Variants in CGNL1 observed in about 807,000 individuals in gnomAD.
CGNL1 encodes the protein cingulin like 1, also known as cingulin-like protein 1.
Under a neutral mutation model 141.2 loss-of-function variants are expected in CGNL1, and 132 were observed. That is an observed-to-expected ratio of 0.93 (90% CI 0.81 to 1.08). The LOEUF (loss-of-function observed/expected upper bound fraction) is 1.08. Among genes scored for constraint, CGNL1 ranks in the 50% least tolerant of loss-of-function variants. The probability of loss-of-function intolerance (pLI) is 0.00; values close to 1 mark genes in which losing one functional copy is unlikely to be tolerated. For synonymous variants in CGNL1, 690 were observed against 622.1 expected, an observed-to-expected ratio of 1.11 and a Z score of -1.63; for missense variants, 1,870 against 1,588.6, an observed-to-expected ratio of 1.18 and a Z score of -3.01.
At chr15:57,407,722 A>G (rs2062739288) in intron 1 of CGNL1, among the ~76,000 whole-genome samples, 1 of 151,418 alleles carries the variant, frequency 6.6e-6, no homozygotes. Flanking sequence ...TTAATATCTG[A>G]AAGTATTAGA....
chr15:57,514,758 A>C (rs2030631844), intron 8 of CGNL1, among the ~76,000 whole-genome samples: 1 of 152,204 alleles, frequency 6.6e-6, no homozygotes, highest in South Asian at 2.1e-4. Flanking sequence ...CCTATGATCC[A>C]TTTTGAGTTA....
rs149444697 is a variant in CGNL1 at position 57,459,973 on chromosome 15, G to A, written c.2191-1707G>A. Among the ~76,000 whole-genome samples, 342 of 152,286 alleles carry A rather than the reference G, an allele frequency of 2.2e-3. 1 individual carries two copies. The highest frequency in any genetic ancestry group is 8.0e-3 in the African/African-American group (334 of 41,560). On this transcript the variant is annotated intron_variant, in intron 7 of 18. Coordinates refer to ENST00000281282, the MANE Select transcript of CGNL1 (RefSeq NM_032866.5). ...ACTCAGAGAAGGGTAAGAGGTAAAG[G>A]TTTAGGAGTCATTTACATAGAATTA...
chr15:57,546,026 T>G (rs1377840660), intron 17 of CGNL1, 50 bp from the exon 18 acceptor site: 10 of 1,579,880 alleles, frequency 6.3e-6, no homozygotes, highest in Non-Finnish European at 8.6e-6. Flanking sequence ...AGCTGAGCGC[T>G]GGGGCTGGGC....
chr15:57,523,606 C>T lies in CGNL1; in HGVS notation c.2833C>T (p.His945Tyr). 1 of 1,614,090 alleles carries T rather than the reference C, an allele frequency of 6.2e-7. No individual in the cohort carries two copies. The highest frequency in any genetic ancestry group is 8.5e-7 in the Non-Finnish European group (1 of 1,180,018). The change falls in exon 11 of 19, where the codon CAC becomes TAC. Residue 945 changes from histidine to tyrosine, a missense_variant. Transcript: ENST00000281282. ...GAACGAGATGGAGAATGAGCGGTGG[C>T]ACCTGGGCAAAACCATTGAGAAACT... The part of the protein sequence containing the change: ...LKNEMENERW[H>Y]LGKTIEKLQK...
chr15:57,484,020 C>G (rs1187544052), intron 8 of CGNL1, among the ~76,000 whole-genome samples: 3 of 152,036 alleles, frequency 2.0e-5, no homozygotes, highest in Non-Finnish European at 4.4e-5. Context: ...ATTCTTGTGT[C>G]TATATTAATG....
chr15:57,442,245 T>A, intron 3 of CGNL1, 128 bp from the exon 4 acceptor site: 1 of 470,062 alleles, frequency 2.1e-6, no homozygotes, highest in Non-Finnish European at 3.8e-6. Flanking sequence ...TGTCTGAGGC[T>A]TTAATTAATT....
chr15:57,531,297 C>A (rs939041911), intron 13 of CGNL1, among the ~76,000 whole-genome samples: 3 of 152,138 alleles, frequency 2.0e-5, no homozygotes, highest in African/African-American at 7.2e-5. Flanking sequence ...TTGTCCGGAG[C>A]GTCAAGTGTT....
intron 8 of CGNL1, among the ~76,000 whole-genome samples, chr15:57,484,413 G>T (rs573034665): frequency 6.6e-6 from 1 of 152,080 alleles, no homozygotes; most frequent in Non-Finnish European, 1.5e-5. Context: ...TGTCTGCAGG[G>T]TCTGTGGTAA....
chr15:57,415,206 C>G (rs998374258), intron 1 of CGNL1, among the ~76,000 whole-genome samples: 2 of 152,226 alleles, frequency 1.3e-5, no homozygotes, highest in African/African-American at 4.8e-5. Context: ...AACAGTGTCT[C>G]TCCAAAGATG....
At chr15:57,413,854 C>T (rs16977479) in intron 1 of CGNL1, among the ~76,000 whole-genome samples, 2 of 152,094 alleles carry the variant, frequency 1.3e-5, no homozygotes, top group Non-Finnish European at 2.9e-5. Context: ...CCTTTTCATC[C>T]CCCAGTGTCG....
At position 57,545,341 on chromosome 15, in the gene CGNL1, G is replaced by A. The variant is rs187560187; in HGVS notation, c.3501-251G>A. 4.7e-4 allele frequency among the ~76,000 whole-genome samples: 72 copies of A among 152,324 alleles called. 1 individual carries two copies. The South Asian group carries it at 9.1e-3, about 19-fold the overall frequency. On this transcript the variant is annotated intron_variant, in intron 16 of 18. Coordinates refer to ENST00000281282, the MANE Select transcript of CGNL1 (RefSeq NM_032866.5). ...TTACAAAGTAAAGCTCAGAAACTCC[G>A]GGCAGGTCGAGCCATGGCTCAGCCC...
chr15:57,540,732 G>T (rs1340896359), intron 14 of CGNL1, among the ~76,000 whole-genome samples: 1 of 152,112 alleles, frequency 6.6e-6, no homozygotes, highest in Non-Finnish European at 1.5e-5. Context: ...TCTTATGCAG[G>T]GCTCGTTCAT....
chr15:57,415,888 AT>A (rs199700407), intron 1 of CGNL1, among the ~76,000 whole-genome samples: 1 of 151,958 alleles, frequency 6.6e-6, no homozygotes, highest in Non-Finnish European at 1.5e-5. Flanking sequence ...GTTTCTCCTG[AT>A]TTTTTCCCAG....
intron 8 of CGNL1, among the ~76,000 whole-genome samples, chr15:57,464,940 T>G (rs1443895955): frequency 6.6e-6 from 1 of 151,816 alleles, no homozygotes; most frequent in Non-Finnish European, 1.5e-5. Flanking sequence ...TTAGTAGAGA[T>G]GGGCTTTCGT....
At chr15:57,418,772 C>T (rs1253581209) in intron 1 of CGNL1, among the ~76,000 whole-genome samples, 1 of 152,128 alleles carries the variant, frequency 6.6e-6, no homozygotes, top group African/African-American at 2.4e-5. Context: ...GAGCAGTGTT[C>T]TGAGACCTGA....
intron 8 of CGNL1, among the ~76,000 whole-genome samples, chr15:57,482,153 A>G (rs774122105): frequency 2.4e-4 from 37 of 151,264 alleles, no homozygotes; most frequent in Non-Finnish European, 4.6e-4. Flanking sequence ...AAAATTTTTT[A>G]TGTATTCTAG....
rs375858187 is a variant in CGNL1, at chr15:57,453,787, C to T, written c.2159C>T (p.Ser720Leu). The T allele has an allele frequency of 1.4e-5, 23 of 1,613,626 alleles. No homozygotes were observed. The Middle Eastern group carries it at 5.0e-4, about 35-fold the overall frequency. ...MHDELDSAKR[S>L]EDREKGALIE... Reference sequence around the variant, plus strand: ...GATGAACTGGACAGTGCAAAGCGATCGGAGGACAGGGAGAAGGGAGCTCTG... The same window carrying T: ...GATGAACTGGACAGTGCAAAGCGATTGGAGGACAGGGAGAAGGGAGCTCTG... The change falls in exon 7 of 19, where the codon TCG (serine) becomes TTG (leucine). Residue 720 changes from serine to leucine, a missense_variant. Ser to Leu is a moderately radical substitution (Grantham distance 145). Coordinates refer to ENST00000281282, the MANE Select transcript of CGNL1 (RefSeq NM_032866.5).
At chr15:57,432,005 C>T (rs2063050879) in intron 1 of CGNL1, among the ~76,000 whole-genome samples, 2 of 152,214 alleles carry the variant, frequency 1.3e-5, no homozygotes, top group African/African-American at 2.4e-5. Flanking sequence ...AGACTCATCA[C>T]CTCTCTACCC....
At chr15:57,405,365 C>T (rs1238459781) in intron 1 of CGNL1, among the ~76,000 whole-genome samples, 1 of 152,224 alleles carries the variant, frequency 6.6e-6, no homozygotes, top group African/African-American at 2.4e-5. Context: ...TTTCTCCCAT[C>T]ACTCTGGCAT....
Sources: allele counts gnomAD v4.1 joint callset (sites outside exome capture counted in the v4.1 genomes callset), GRCh38; gene constraint gnomAD v4.1.1; transcripts MANE v1.5; gene names NCBI Gene and HGNC (gene_info 2026-07-23, HGNC 2026-07-21).